Variants in COMMD10 observed in about 807,000 individuals in gnomAD.
COMMD10 encodes the protein COMM domain containing 10, also known as COMM domain-containing protein 10.
In COMMD10, 33 loss-of-function variants were observed where a neutral mutation model predicts 28.9. The ratio of observed to expected loss-of-function variants is 1.14; its 90% CI spans 0.87 to 1.53. The LOEUF (loss-of-function observed/expected upper bound fraction) is 1.53, where lower values mean the gene tolerates loss of function less well. COMMD10 is among the 40% of genes most tolerant of loss of function. The probability of loss-of-function intolerance (pLI) is 0.00; values close to 1 mark genes in which losing one functional copy is unlikely to be tolerated. For synonymous variants in COMMD10, 110 were observed against 81.7 expected, an observed-to-expected ratio of 1.35 and a Z score of -1.87; for missense variants, 310 against 233.4, an observed-to-expected ratio of 1.33 and a Z score of -2.14.
intron 4 of COMMD10, among the ~76,000 whole-genome samples, chr5:116,130,233 C>T (rs12332433): frequency 0.5 from 76,214 of 151,500 alleles, 21,742 homozygotes; most frequent in Non-Finnish European, 0.65. Flanking sequence ...TTTAAGTGCT[C>T]CGGGTATAGC....
intron 5 of COMMD10, among the ~76,000 whole-genome samples, chr5:116,231,532 C>G (rs1420236381): frequency 6.6e-6 from 1 of 152,064 alleles, no homozygotes; most frequent in Non-Finnish European, 1.5e-5. Context: ...TGTATGATTG[C>G]TATACTTCAC....
chr5:116,202,417 G>A (rs568424691), intron 5 of COMMD10, among the ~76,000 whole-genome samples: 1 of 152,010 alleles, frequency 6.6e-6, no homozygotes, highest in Non-Finnish European at 1.5e-5. Flanking sequence ...GGAATGGCTG[G>A]GTCAAATGGT....
chr5:116,110,448 A>T (rs1751006787), intron 4 of COMMD10, among the ~76,000 whole-genome samples: 1 of 152,044 alleles, frequency 6.6e-6, no homozygotes, highest in African/African-American at 2.4e-5. Flanking sequence ...AATTGGTATT[A>T]GTTCTTTGTA....
At chr5:116,241,725 G>A (rs1431669989) in intron 5 of COMMD10, among the ~76,000 whole-genome samples, 1 of 151,942 alleles carries the variant, frequency 6.6e-6, no homozygotes, top group Non-Finnish European at 1.5e-5. Flanking sequence ...CCATTCTTCT[G>A]CCTTAGCCTT....
Position 116,092,187 on chromosome 5 carries a change from C to G in COMMD10, c.244-358C>G, listed in dbSNP as rs571729036. Among the ~76,000 whole-genome samples the G allele has an allele frequency of 3.3e-5, 5 of 152,224 alleles. No homozygotes were observed. In the East Asian group the frequency reaches 7.7e-4, roughly 23 times the overall value. The stretch of plus-strand genomic sequence containing the variant: ...AAAATTTGTTAGTTGGGAAACAAAA[C>G]TATTGTATACTTATTTGAAATTATT... On this transcript the variant is annotated intron_variant, in intron 3 of 6. Coordinates refer to ENST00000274458, the MANE Select transcript of COMMD10 (RefSeq NM_016144.4).
At chr5:116,265,637 TACA>T (rs1269152081) in intron 5 of COMMD10, among the ~76,000 whole-genome samples, 5 of 151,844 alleles carry the variant, frequency 3.3e-5, no homozygotes, top group African/African-American at 1.2e-4. Flanking sequence ...CTGGGCTACG[TACA>T]TGTGGAACAT....
intron 4 of COMMD10, among the ~76,000 whole-genome samples, chr5:116,107,444 T>C (rs114448587): frequency 0.013 from 2,037 of 152,320 alleles, 46 homozygotes; most frequent in African/African-American, 0.045. Context: ...CAATATCTGA[T>C]ATCCTTTCTT....
At chr5:116,143,484 G>T (rs1052669841) in intron 5 of COMMD10, among the ~76,000 whole-genome samples, 1 of 151,660 alleles carries the variant, frequency 6.6e-6, no homozygotes, top group African/African-American at 2.4e-5. Context: ...AAAATTTTGT[G>T]GGATTCCATA....
intron 5 of COMMD10, among the ~76,000 whole-genome samples, chr5:116,188,222 G>A (rs1489407101): frequency 6.6e-6 from 1 of 152,110 alleles, no homozygotes; most frequent in Non-Finnish European, 1.5e-5. Context: ...TAAGGGACAA[G>A]CTTTGATTAC....
In COMMD10 at chr5:116,278,632, G is replaced by A. The variant is rs541367258; in HGVS notation, c.511-12885G>A. On this transcript the variant is annotated intron_variant, in intron 5 of 6. Coordinates refer to ENST00000274458, the MANE Select transcript of COMMD10 (RefSeq NM_016144.4). ...AACATTTCATGAAAATATTTCATGC[G>A]CTCTCTTATACGATTTTTATACTGA... 1.6e-4 allele frequency among the ~76,000 whole-genome samples: 24 copies of A among 151,694 alleles called. 2 individuals are homozygous for A. The highest frequency in any genetic ancestry group is 4.1e-4 in the African/African-American group (17 of 41,126).
rs1218541062 is a variant in COMMD10, at chr5:116,177,227, A to T, written c.510+43049A>T. On this transcript the variant is annotated intron_variant, in intron 5 of 6. Coordinates refer to ENST00000274458, the MANE Select transcript of COMMD10 (RefSeq NM_016144.4). ...GGGAAACTTGGGAGGGGTTGATTGT[A>T]TTGGGTGGACCAGAAATAAGCTGGG... Among the ~76,000 whole-genome samples the T allele has an allele frequency of 2.0e-5, 3 of 152,134 alleles. No homozygotes were observed. In the East Asian group the frequency reaches 5.8e-4, roughly 29 times the overall value.
intron 5 of COMMD10, among the ~76,000 whole-genome samples, chr5:116,189,696 G>C (rs1225302399): frequency 6.7e-6 from 1 of 150,236 alleles, no homozygotes; most frequent in Non-Finnish European, 1.5e-5. Flanking sequence ...CTAAATTTCA[G>C]TTAACACTGT....
At chr5:116,225,588 A>C (rs1247062515) in intron 5 of COMMD10, among the ~76,000 whole-genome samples, 2 of 151,912 alleles carry the variant, frequency 1.3e-5, no homozygotes, top group Non-Finnish European at 2.9e-5. Flanking sequence ...TCCCCCTTGT[A>C]TATGCACAGT....
At chr5:116,131,297 C>G (rs1486180796) in intron 4 of COMMD10, among the ~76,000 whole-genome samples, 1 of 151,816 alleles carries the variant, frequency 6.6e-6, no homozygotes, top group African/African-American at 2.4e-5. Context: ...CAAATGAAAG[C>G]TAGGGTAATG....
chr5:116,139,084 A>G (rs1052524051), intron 5 of COMMD10, among the ~76,000 whole-genome samples: 32 of 151,744 alleles, frequency 2.1e-4, no homozygotes, highest in African/African-American at 7.7e-4. Context: ...AGGATGCTGT[A>G]TCACCTTGTT....
At chr5:116,154,095 G>T (rs1752627697) in intron 5 of COMMD10, among the ~76,000 whole-genome samples, 1 of 152,014 alleles carries the variant, frequency 6.6e-6, no homozygotes, top group African/African-American at 2.4e-5. Context: ...TGTCTGAGGG[G>T]ACCTGAGTTC....
chr5:116,265,942 AAAAAAC>A (rs1750573305), intron 5 of COMMD10, among the ~76,000 whole-genome samples: 1 of 151,808 alleles, frequency 6.6e-6, no homozygotes. Context: ...TATTCAGAGA[AAAAAAC>A]AAAAAGAAAA....
At chr5:116,160,817 A>G (rs974546717) in intron 5 of COMMD10, among the ~76,000 whole-genome samples, 5 of 152,160 alleles carry the variant, frequency 3.3e-5, no homozygotes, top group Non-Finnish European at 5.9e-5. Context: ...AGAATGTTTC[A>G]GGTTCTGTTT....
At chr5:116,090,462 C>G (rs1269900727) in intron 2 of COMMD10, among the ~76,000 whole-genome samples, 1 of 152,172 alleles carries the variant, frequency 6.6e-6, no homozygotes, top group Non-Finnish European at 1.5e-5. Context: ...GGCCTTTGCA[C>G]TTCAAAAATA....
Sources: gnomAD v4.1 joint callset for allele counts (sites outside exome capture counted in the v4.1 genomes callset) on GRCh38, gnomAD v4.1.1 for gene constraint, MANE v1.5 for transcripts, NCBI Gene and HGNC (gene_info 2026-07-23, HGNC 2026-07-21) for gene names.